The following TSPAN8 variants were observed in gnomAD, a reference collection of about 807,000 sequenced individuals.
TSPAN8 encodes the protein tetraspanin-8.
Under a neutral mutation model 32.8 loss-of-function variants are expected in TSPAN8, and 21 were observed. The ratio of observed to expected loss-of-function variants is 0.64; its 90% confidence interval spans 0.45 to 0.92. TSPAN8 has a LOEUF of 0.92. Ranked by LOEUF, TSPAN8 falls within the 40% of genes least tolerant of loss-of-function variation. The pLI, the probability that TSPAN8 is intolerant of heterozygous loss-of-function variation, is 0.00. For synonymous variants in TSPAN8, 95 were observed against 94.6 expected, an observed-to-expected ratio of 1.00 and a Z score of -0.03; for missense variants, 269 against 281.9, an observed-to-expected ratio of 0.95 and a Z score of 0.33.
chr12:71,125,876 A>G (rs1871335612), intron 8 of TSPAN8, among the ~76,000 whole-genome samples: 1 of 145,994 alleles, frequency 6.8e-6, no homozygotes, highest in Non-Finnish European at 1.5e-5. Context: ...GGAATAAAAA[A>G]TGAAGTAACT....
intron 2 of TSPAN8, among the ~76,000 whole-genome samples, chr12:71,147,038 C>T (rs1872098249): frequency 6.6e-6 from 1 of 152,104 alleles, no homozygotes; most frequent in African/African-American, 2.4e-5. Flanking sequence ...AGAGGGTCCT[C>T]ACCGGAAACT....
chr12:71,130,376 T>C (rs1592399021), intron 7 of TSPAN8, among the ~76,000 whole-genome samples: 1 of 152,222 alleles, frequency 6.6e-6, no homozygotes, highest in Middle Eastern at 3.2e-3. Flanking sequence ...ATTAGGAAGT[T>C]GCCTCTCTGC....
At chr12:71,146,492 A>G (rs17109349) in intron 2 of TSPAN8, among the ~76,000 whole-genome samples, 11,027 of 152,212 alleles carry the variant, frequency 0.072, 934 homozygotes, top group East Asian at 0.28. Flanking sequence ...GGAGCCCTTT[A>G]CCAAGTTTAG....
intron 6 of TSPAN8, among the ~76,000 whole-genome samples, chr12:71,133,468 G>C (rs960781516): frequency 2.0e-5 from 3 of 152,114 alleles, no homozygotes; most frequent in African/African-American, 7.2e-5. Context: ...GAATTCACAA[G>C]AGAGTCAAAG....
At chr12:71,153,876 A>G (rs1350779575) in intron 2 of TSPAN8, among the ~76,000 whole-genome samples, 2 of 152,210 alleles carry the variant, frequency 1.3e-5, no homozygotes, top group Non-Finnish European at 2.9e-5. Context: ...TCTTATGTAG[A>G]GATTGTAAAT....
intron 2 of TSPAN8, among the ~76,000 whole-genome samples, chr12:71,155,608 T>G (rs1361685286): frequency 6.6e-6 from 1 of 152,204 alleles, no homozygotes; most frequent in African/African-American, 2.4e-5. Context: ...ATTTATGAGG[T>G]AATCGGAAAT....
At chr12:71,153,413 C>T (rs1872319818) in intron 2 of TSPAN8, among the ~76,000 whole-genome samples, 1 of 152,176 alleles carries the variant, frequency 6.6e-6, no homozygotes, top group Non-Finnish European at 1.5e-5. Flanking sequence ...ATGGAAATCA[C>T]CATATACTTA....
Position 71,139,710 on chromosome 12 carries a change from C to A in TSPAN8, c.261+1G>T, listed in dbSNP as rs879241510. ...CACTGGGATTTGTTTGGAGAACTCA[C>A]CAACAGAAGCATGCAGCGACTTTCT... On this transcript the variant is annotated splice_donor_variant, in intron 4 of 8. Transcript: ENST00000247829. LOFTEE classifies it high-confidence loss of function. 1.9e-6 allele frequency: 3 copies of A among 1,613,048 alleles called. No homozygotes were observed. The highest frequency in any genetic ancestry group is 2.5e-6 in the Non-Finnish European group (3 of 1,179,442).
intron 3 of TSPAN8, among the ~76,000 whole-genome samples, chr12:71,141,830 A>G (rs181981958): frequency 4.6e-5 from 7 of 152,304 alleles, no homozygotes; most frequent in African/African-American, 1.4e-4. Context: ...TCTTAGGACA[A>G]GGGGAGAATT....
chr12:71,150,611 C>T (rs749150354), intron 2 of TSPAN8, among the ~76,000 whole-genome samples: 18 of 152,230 alleles, frequency 1.2e-4, no homozygotes, highest in Middle Eastern at 6.8e-3. Context: ...ATAGAACCTA[C>T]GTTGAAATAC....
chr12:71,135,391 AG>A (rs1432947828), intron 6 of TSPAN8, among the ~76,000 whole-genome samples: 1 of 142,154 alleles, frequency 7.0e-6, no homozygotes, highest in Non-Finnish European at 1.5e-5. Context: ...GAGGAGGAGA[AG>A]GGGGGACAAG....
intron 2 of TSPAN8, chr12:71,157,217 A>G (rs186857501): frequency 1.6e-3 from 262 of 167,910 alleles, no homozygotes; most frequent in African/African-American, 5.9e-3. Flanking sequence ...GTTCAAACCC[A>G]GAAGTGAAGG....
At chr12:71,142,382 A>G (rs1871929320) in intron 3 of TSPAN8, among the ~76,000 whole-genome samples, 1 of 152,182 alleles carries the variant, frequency 6.6e-6, no homozygotes, top group Admixed American at 6.5e-5. Flanking sequence ...CTAAACACCA[A>G]ATTTGTTTAC....
chr12:71,142,910 G>A (rs1470415573), intron 3 of TSPAN8, among the ~76,000 whole-genome samples: 1 of 151,316 alleles, frequency 6.6e-6, no homozygotes, highest in Admixed American at 6.6e-5. Flanking sequence ...CCACTGCAGC[G>A]AAGAAAACAG....
intron 2 of TSPAN8, among the ~76,000 whole-genome samples, chr12:71,152,129 A>G (rs980051730): frequency 1.2e-4 from 18 of 152,210 alleles, no homozygotes; most frequent in African/African-American, 3.6e-4. Flanking sequence ...TAATGTTTCA[A>G]ATTAATCCTG....
intron 8 of TSPAN8, among the ~76,000 whole-genome samples, chr12:71,126,201 G>C (rs1344646420): frequency 3.9e-5 from 6 of 152,180 alleles, no homozygotes; most frequent in African/African-American, 2.4e-5. Context: ...TGCTTCTACT[G>C]TGTTGAGACT....
chr12:71,137,888 A>G, intron 6 of TSPAN8, 65 bp downstream of exon 6: 1 of 1,460,638 alleles, frequency 6.8e-7, no homozygotes, highest in South Asian at 1.3e-5. Flanking sequence ...GGAAGATGTT[A>G]AAAACTAAAC....
Position 71,156,265 on chromosome 12 carries a change from AAAACAAAC to A in TSPAN8, c.60+1346_60+1353del, listed in dbSNP as rs1157518567. On this transcript the variant is annotated intron_variant, in intron 2 of 8. Transcript: ENST00000247829. Reference sequence around the variant, plus strand: ...CAAAGTTCTCCAAAAAAAAAAAAAAAAAACAAACAAAAAAAAAACTAGAAACAAAACAA... The same window carrying A: ...CAAAGTTCTCCAAAAAAAAAAAAAAAAAAAAAAAAACTAGAAACAAAACAA... Among the ~76,000 whole-genome samples, 265 of 63,568 alleles carry A rather than the reference AAAACAAAC, an allele frequency of 4.2e-3. 36 individuals are homozygous for A. Among genetic ancestry groups the A allele is most frequent in the African/African-American group, 0.012 (219 of 19,038 alleles). 41.7% of individuals were successfully genotyped at this position (63,568 alleles called of 152,430 possible).
At chr12:71,157,036 T>C (rs1872465967) in intron 2 of TSPAN8, 1 of 152,252 alleles carries the variant, frequency 6.6e-6, no homozygotes, top group Non-Finnish European at 1.5e-5. Context: ...TGATGACACA[T>C]CAAAATACTG....
Sources: gnomAD v4.1 joint callset for allele counts (sites outside exome capture counted in the v4.1 genomes callset) on GRCh38, gnomAD v4.1.1 for gene constraint, MANE v1.5 for transcripts, NCBI Gene and HGNC (gene_info 2026-07-23, HGNC 2026-07-21) for gene names.